The following TSNARE1 variants were observed in gnomAD, a reference collection of about 807,000 sequenced individuals.
The protein encoded by TSNARE1 is t-SNARE domain-containing protein 1.
Under a neutral mutation model 62.0 loss-of-function variants are expected in TSNARE1, and 49 were observed. The ratio of observed to expected loss-of-function variants is 0.79; its 90% CI spans 0.63 to 1.00. The LOEUF is 1.00. TSNARE1 is among the 50% of genes least tolerant of loss of function. The pLI, the probability that TSNARE1 is intolerant of heterozygous loss-of-function variation, is 0.00. For synonymous variants in TSNARE1, 328 were observed against 294.4 expected (o/e 1.11, Z -1.17); for missense variants, 755 against 700.1 (o/e 1.08, Z -0.88).
intron 9 of TSNARE1, among the ~76,000 whole-genome samples, chr8:142,308,329 T>G (rs1444855288): frequency 6.6e-6 from 1 of 152,206 alleles, no homozygotes; most frequent in Non-Finnish European, 1.5e-5. Context: ...GATGTGCTAC[T>G]GCCTTATCTT....
At position 142,314,990 on chromosome 8, in the gene TSNARE1, A is replaced by G; in HGVS notation, c.1074+13T>C. 6.2e-7 allele frequency: 1 copy of G among 1,613,924 alleles called. No individual in the cohort carries two copies. Among genetic ancestry groups the G allele is most frequent in the African/African-American group, 1.3e-5 (1 of 75,010 alleles). On this transcript the variant is annotated intron_variant, in intron 8 of 13. Transcript: ENST00000524325. ...TGGCCTGCAGACCCCCACTGCCCCC[A>G]CCAGCACCTCACCTTCTGCACCACT... is the stretch of plus-strand genomic sequence containing the variant.
At chr8:142,285,222 G>GGGTA (rs1822486205) in intron 10 of TSNARE1, among the ~76,000 whole-genome samples, 1 of 139,194 alleles carries the variant, frequency 7.2e-6, no homozygotes, top group Admixed American at 7.2e-5. Context: ...ACAGATGAAT[G>GGGTA]GGTGGATGGA....
At chr8:142,330,804 G>T in intron 6 of TSNARE1, 97 bp downstream of exon 6, 2 of 1,275,120 alleles carry the variant, frequency 1.6e-6, no homozygotes, top group Non-Finnish European at 2.3e-6. Context: ...GCAGCTGTGT[G>T]GACAAAGCCC....
chr8:142,263,382 C>A (rs918081906), intron 12 of TSNARE1, among the ~76,000 whole-genome samples: 1 of 152,206 alleles, frequency 6.6e-6, no homozygotes, highest in African/African-American at 2.4e-5. Context: ...CAGCGTAAAT[C>A]CAACCTGGCG....
At chr8:142,385,650 C>A (rs1024279764) in intron 1 of TSNARE1, among the ~76,000 whole-genome samples, 10 of 152,076 alleles carry the variant, frequency 6.6e-5, no homozygotes, top group African/African-American at 2.4e-4. Flanking sequence ...ATTTCAGTAA[C>A]AGAAATACAA....
chr8:142,346,198 T>C (rs563010104), intron 2 of TSNARE1, among the ~76,000 whole-genome samples: 1 of 152,308 alleles, frequency 6.6e-6, no homozygotes, highest in Non-Finnish European at 1.5e-5. Context: ...TGGACAGCTA[T>C]TACCAGTCAG....
At chr8:142,223,173 A>ATTCACTT (rs1563756909) in intron 13 of TSNARE1, among the ~76,000 whole-genome samples, 2 of 32,872 alleles carry the variant, frequency 6.1e-5, no homozygotes, top group Admixed American at 2.6e-4. Flanking sequence ...CACTCACTCA[A>ATTCACTT]GTATTCACTC....
intron 1 of TSNARE1, among the ~76,000 whole-genome samples, chr8:142,381,924 C>T (rs1338476329): frequency 6.6e-6 from 1 of 152,188 alleles, no homozygotes; most frequent in Non-Finnish European, 1.5e-5. Context: ...CGGCTCATGC[C>T]CGCACCCACT....
chr8:142,277,639 T>C, intron 11 of TSNARE1: 1 of 985,390 alleles, frequency 1.0e-6, no homozygotes, highest in Non-Finnish European at 1.2e-6. Context: ...GCTTGGGAAT[T>C]CAACACGTCA....
chr8:142,342,197 T>TCCC (rs1350519222), intron 4 of TSNARE1, among the ~76,000 whole-genome samples: 1 of 152,220 alleles, frequency 6.6e-6, no homozygotes. Flanking sequence ...GCTGAAACAG[T>TCCC]CCCGAGGAAG....
chr8:142,325,411 TC>T (rs1830052892), intron 6 of TSNARE1, among the ~76,000 whole-genome samples: 3 of 152,002 alleles, frequency 2.0e-5, no homozygotes, highest in Non-Finnish European at 4.4e-5. Context: ...CAATCCACCG[TC>T]GGGGGCAAGA....
intron 11 of TSNARE1, chr8:142,277,262 C>T: frequency 2.0e-6 from 2 of 985,384 alleles, no homozygotes; most frequent in South Asian, 4.7e-5. Flanking sequence ...AAGCACTAGG[C>T]CAGAGGCCTC....
At chr8:142,272,583 TTCC>T (rs1242205777) in intron 12 of TSNARE1, 1 of 669,370 alleles carries the variant, frequency 1.5e-6, no homozygotes, top group African/African-American at 5.0e-5. Flanking sequence ...CGTCTACACC[TTCC>T]TCCTTCCATC....
At chr8:142,296,833 T>TC (rs1824839909) in intron 10 of TSNARE1, among the ~76,000 whole-genome samples, 1 of 151,738 alleles carries the variant, frequency 6.6e-6, no homozygotes, top group Non-Finnish European at 1.5e-5. Flanking sequence ...CAGGACACCC[T>TC]CCCTCAGAAT....
At position 142,222,720 on chromosome 8, in the gene TSNARE1, T is replaced by TCATC. The variant is rs561935884; in HGVS notation, c.*11+6752_*11+6753insGATG. 2.1e-4 allele frequency among the ~76,000 whole-genome samples: 26 copies of TCATC among 125,780 alleles called. 4 individuals carry two copies. Among genetic ancestry groups the TCATC allele is most frequent in the African/African-American group, 6.9e-4 (22 of 31,854 alleles). The allele number at this position is 125,780 out of a possible 152,430, so 82.5% of individuals were successfully genotyped here. ...CTCATCCACTCACTCACTCATCCACTCACTCACTCATCCACTCACTCACTC... is the reference window on the plus strand; with the variant it reads ...CTCATCCACTCACTCACTCATCCACTCATCCACTCACTCATCCACTCACTCACTC... On this transcript the variant is annotated intron_variant, in intron 13 of 13. Transcript: ENST00000524325.
intron 1 of TSNARE1, among the ~76,000 whole-genome samples, chr8:142,363,546 T>A (rs1267177786): frequency 2.6e-5 from 4 of 152,006 alleles, no homozygotes; most frequent in Admixed American, 2.6e-4. Flanking sequence ...GGCCTCTTGG[T>A]CCACTGGTCC....
chr8:142,232,659 C>T (rs1010447490), intron 12 of TSNARE1, among the ~76,000 whole-genome samples: 1 of 152,218 alleles, frequency 6.6e-6, no homozygotes, highest in Non-Finnish European at 1.5e-5. Context: ...CTGCCAAGCC[C>T]GGCCCTTCCA....
chr8:142,279,083 G>T (rs1431890224), intron 11 of TSNARE1, among the ~76,000 whole-genome samples: 1 of 152,230 alleles, frequency 6.6e-6, no homozygotes, highest in Non-Finnish European at 1.5e-5. Context: ...GGCTGGGGGA[G>T]AGCGGAGGGA....
rs1255305844 is a variant in TSNARE1, at chr8:142,344,012, A to G, written c.699T>C (p.Ser233=). The G allele has an allele frequency of 1.3e-6, 2 of 1,556,298 alleles. No individual in the cohort carries two copies. The highest frequency in any genetic ancestry group is 2.7e-5 in the African/African-American group (2 of 73,468). Reference sequence around the variant, plus strand: ...AGCCCTCGGAGGGCAGGGCCTGGCAAGAGAAGGTCTTGGCCACCACCTGCT... The same window carrying G: ...AGCCCTCGGAGGGCAGGGCCTGGCAGGAGAAGGTCTTGGCCACCACCTGCT... ...PVEQVVAKTF[S]CQALPSEGFS... is the part of the protein sequence containing the mutation. The change falls in exon 4 of 14, where the codon TCT becomes TCC. Residue 233 remains serine (S), a synonymous_variant. Transcript: ENST00000524325.
Sources: allele counts gnomAD v4.1 joint callset (sites outside exome capture counted in the v4.1 genomes callset), GRCh38; gene constraint gnomAD v4.1.1; transcripts MANE v1.5; gene names NCBI Gene and HGNC (gene_info 2026-07-23, HGNC 2026-07-21).